Variants in ADGRA3 observed in about 807,000 individuals in gnomAD.
ADGRA3 encodes adhesion G protein-coupled receptor A3.
ADGRA3 carries 56 observed loss-of-function variants against 119.8 expected under a neutral mutation model. The observed-to-expected ratio is 0.47, with a 90% confidence interval of 0.38 to 0.58. The LOEUF (loss-of-function observed/expected upper bound fraction) is 0.58, where lower values mean the gene tolerates loss of function less well. Among genes scored for constraint, ADGRA3 ranks in the 20% least tolerant of loss-of-function variants. The pLI, the probability that ADGRA3 is intolerant of heterozygous loss-of-function variation, is 0.00. For missense variants in ADGRA3, 1,516 were observed against 1,649.0 expected (o/e 0.92, Z 1.40); for synonymous variants, 607 against 623.8 (o/e 0.97, Z 0.40).
chr4:22,482,218 T>C (rs1048882673), intron 1 of ADGRA3, among the ~76,000 whole-genome samples: 3 of 152,160 alleles, frequency 2.0e-5, no homozygotes, highest in Non-Finnish European at 4.4e-5. Context: ...ATCTACCATT[T>C]CTCTCACAAC....
intron 15 of ADGRA3, 64 bp from the exon 16 acceptor site, chr4:22,401,618 T>C: frequency 2.4e-6 from 3 of 1,227,730 alleles, no homozygotes; most frequent in East Asian, 2.4e-5. Context: ...ACTATGATGT[T>C]CATCTTAATT....
intron 6 of ADGRA3, 151 bp from the exon 7 acceptor site, chr4:22,443,014 T>C (rs1452056222): frequency 4.3e-6 from 3 of 695,630 alleles, no homozygotes; most frequent in African/African-American, 3.6e-5. Context: ...ACCAGGCTGC[T>C]ACTGAGTTTA....
At position 22,464,257 on chromosome 4, in the gene ADGRA3, C is replaced by T. The variant is rs148907518; in HGVS notation, c.330-2449G>A. ...TTCATATTCCACAAGAAGAAAACAG[C>T]TTTGTCAATGCTGGTAACTACCCTA... On this transcript the variant is annotated intron_variant, in intron 2 of 18. Transcript: ENST00000334304. 3.5e-3 allele frequency among the ~76,000 whole-genome samples: 539 copies of T among 152,262 alleles called. 4 individuals carry two copies. The highest frequency in any genetic ancestry group is 0.012 in the African/African-American group (517 of 41,538).
At chr4:22,415,082 C>T (rs115405789) in intron 12 of ADGRA3, among the ~76,000 whole-genome samples, 94 of 152,172 alleles carry the variant, frequency 6.2e-4, no homozygotes, top group African/African-American at 2.2e-3. Flanking sequence ...CACTTGCAGT[C>T]CCCCATGATG....
In ADGRA3 at chr4:22,388,930, T is replaced by C. The variant is rs749100890; in HGVS notation, c.2741A>G (p.Glu914Gly). 3 of 1,612,836 alleles carry C rather than the reference T, an allele frequency of 1.9e-6. No individual in the cohort carries two copies. The East Asian group carries it at 6.7e-5, about 36-fold the overall frequency. ...PNAPYCWMAW[E>G]PSLGAFYGPA... Reference sequence around the variant, plus strand: ...CCCATAGAAGGCTCCCAAGGAGGGTTCCCATGCCATCCAGCAACTGGAAAA... The same window carrying C: ...CCCATAGAAGGCTCCCAAGGAGGGTCCCCATGCCATCCAGCAACTGGAAAA... The change falls in exon 19 of 19, where the codon GAA (glutamate) becomes GGA (glycine). Residue 914 changes from glutamate to glycine, a missense_variant. Around this residue, in one of 2 missense-constraint regions of ADGRA3, gnomAD observed 1,088 missense variants for 1,107.1 expected, o/e 0.98. Transcript: ENST00000334304.
intron 5 of ADGRA3, among the ~76,000 whole-genome samples, chr4:22,446,476 T>C (rs1270018292): frequency 6.6e-6 from 1 of 152,138 alleles, no homozygotes; most frequent in Non-Finnish European, 1.5e-5. Context: ...GGTAGTCTTC[T>C]GGATAAGAAT....
chr4:22,438,528 G>T, intron 7 of ADGRA3, 108 bp from the exon 8 acceptor site: 1 of 808,148 alleles, frequency 1.2e-6, no homozygotes, highest in East Asian at 2.7e-5. Flanking sequence ...TGCATATTGT[G>T]GGGTAAGCAC....
chr4:22,411,019 G>T (rs1186066352), intron 14 of ADGRA3, among the ~76,000 whole-genome samples: 1 of 152,142 alleles, frequency 6.6e-6, no homozygotes, highest in Non-Finnish European at 1.5e-5. Context: ...TAATAGTTTT[G>T]AAGAACAGCT....
In ADGRA3 at chr4:22,387,755, T is replaced by A. The variant is rs568318170; in HGVS notation, c.3916A>T (p.Ser1306Cys). The change falls in exon 19 of 19, where the codon AGC becomes TGC. Residue 1306 changes from serine (S) to cysteine (C), a missense_variant. Ser to Cys is a moderately radical substitution (Grantham distance 112). Around this residue, in one of 2 missense-constraint regions of ADGRA3, gnomAD observed 1,088 missense variants for 1,107.1 expected, o/e 0.98. Transcript: ENST00000334304. ...GQEGPLLGTD[S>C]TGNVRTGLWK... ...AATCCAGTCCTAACATTGCCAGTGC[T>A]ATCGGTACCGAGCAAGGGTCCCTCC... 1.1e-5 allele frequency: 17 copies of A among 1,613,958 alleles called. No homozygotes were observed. Among genetic ancestry groups the A allele is most frequent in the Non-Finnish European group, 1.4e-5 (17 of 1,179,976 alleles).
intron 10 of ADGRA3, 90 bp downstream of exon 10, chr4:22,435,221 C>G (rs1244020464): frequency 9.3e-7 from 1 of 1,079,710 alleles, no homozygotes; most frequent in African/African-American, 1.6e-5. Flanking sequence ...ATATGATAAA[C>G]ATAAACAGGC....
chr4:22,401,364 T>C, intron 16 of ADGRA3, 67 bp downstream of exon 16: 2 of 1,402,692 alleles, frequency 1.4e-6, no homozygotes, highest in Non-Finnish European at 1.9e-6. Flanking sequence ...TTTTTCTTTT[T>C]ATAGTTAATG....
intron 14 of ADGRA3, 40 bp from the exon 15 acceptor site, chr4:22,402,839 C>T (rs1411206588): frequency 6.3e-7 from 1 of 1,577,572 alleles, no homozygotes; most frequent in Non-Finnish European, 8.6e-7. Flanking sequence ...CAGTACTTCT[C>T]TCCACATTTA....
chr4:22,499,115 C>G (rs962705743), intron 1 of ADGRA3, among the ~76,000 whole-genome samples: 3 of 152,102 alleles, frequency 2.0e-5, no homozygotes, highest in African/African-American at 4.8e-5. Context: ...CCAATGCCCC[C>G]CTTCCCCGAA....
intron 6 of ADGRA3, 39 bp downstream of exon 6, chr4:22,444,934 A>T (rs757925632): frequency 4.4e-6 from 7 of 1,605,494 alleles, no homozygotes; most frequent in Non-Finnish European, 6.0e-6. Context: ...GCAAGTCAAA[A>T]TATGGTAAAT....
chr4:22,489,218 A>G (rs982853418), intron 1 of ADGRA3, among the ~76,000 whole-genome samples: 3 of 152,176 alleles, frequency 2.0e-5, no homozygotes, highest in Non-Finnish European at 4.4e-5. Context: ...GTCAGATCTC[A>G]TGAGACTTAT....
At chr4:22,499,833 G>C (rs2109166988) in intron 1 of ADGRA3, among the ~76,000 whole-genome samples, 1 of 152,258 alleles carries the variant, frequency 6.6e-6, no homozygotes, top group Middle Eastern at 3.4e-3. Flanking sequence ...TTCAACAGTT[G>C]TTAGTTACTT....
chr4:22,416,240 C>T (rs1715426622), intron 12 of ADGRA3, among the ~76,000 whole-genome samples: 1 of 152,054 alleles, frequency 6.6e-6, no homozygotes, highest in South Asian at 2.1e-4. Context: ...GTTCATTTAA[C>T]CATACATTTA....
At chr4:22,402,508 TTA>T (rs1714708129) in intron 15 of ADGRA3, among the ~76,000 whole-genome samples, 165 bp downstream of exon 15, 2 of 152,284 alleles carry the variant, frequency 1.3e-5, no homozygotes, top group Admixed American at 6.5e-5. Flanking sequence ...TACTAATTAT[TTA>T]TGTTTCTAAT....
chr4:22,465,417 T>C (rs1446911584), intron 2 of ADGRA3, among the ~76,000 whole-genome samples: 1 of 152,088 alleles, frequency 6.6e-6, no homozygotes, highest in Non-Finnish European at 1.5e-5. Context: ...GCATAGACAT[T>C]CCCACTGGTT....
Sources: allele counts gnomAD v4.1 joint callset (sites outside exome capture counted in the v4.1 genomes callset), GRCh38; gene constraint gnomAD v4.1.1; regional missense constraint gnomAD v4.1.1; transcripts MANE v1.5; gene names NCBI Gene and HGNC (gene_info 2026-07-23, HGNC 2026-07-21).